The following HNRNPAB variants were observed in gnomAD, a reference collection of about 807,000 sequenced individuals.
HNRNPAB encodes the protein ABBP-1.
Under a neutral mutation model 44.1 loss-of-function variants are expected in HNRNPAB, and 17 were observed. That is an observed-to-expected ratio of 0.39 (90% CI 0.26 to 0.58). The LOEUF (loss-of-function observed/expected upper bound fraction) is 0.58. Ranked by LOEUF, HNRNPAB falls within the 20% of genes least tolerant of loss-of-function variation. The pLI is 0.63. For synonymous variants in HNRNPAB, 183 were observed against 167.6 expected, an observed-to-expected ratio of 1.09 and a Z score of -0.71; for missense variants, 393 against 432.7, an observed-to-expected ratio of 0.91 and a Z score of 0.81.
chr5:178,206,601 T>A, intron 3 of HNRNPAB, 131 bp from the exon 4 acceptor site: 1 of 908,750 alleles, frequency 1.1e-6, no homozygotes, highest in Non-Finnish European at 1.7e-6. Context: ...GGTTGGGAGG[T>A]TAAGCTGGGG....
chr5:178,205,130 G>A (rs1756988046), intron 2 of HNRNPAB, 84 bp downstream of exon 2: 1 of 1,037,332 alleles, frequency 9.6e-7, no homozygotes. Context: ...GGGGAGGGGC[G>A]GCGGCCTGGC....
In HNRNPAB at chr5:178,209,447, G is replaced by C; in HGVS notation, c.787G>C (p.Gly263Arg). 6.2e-7 allele frequency: 1 copy of C among 1,613,420 alleles called. No homozygotes were observed. The highest frequency in any genetic ancestry group is 8.5e-7 in the Non-Finnish European group (1 of 1,179,324). ...RGSGGGGGGG[G>R]QSQSWNQGYG... The stretch of plus-strand genomic sequence containing the variant: ...CAGCGGAGGTGGTGGTGGAGGTGGA[G>C]GTGAGTGGAACGTGGATGAAGATAG... The change falls in exon 6 of 8, where the codon GGT (glycine) becomes CGT (arginine). Residue 263 changes from glycine (G) to arginine (R), a missense_variant and splice_region_variant. Transcript: ENST00000358344.
intron 7 of HNRNPAB, 64 bp from the exon 8 acceptor site, chr5:178,210,489 T>A (rs373001311): frequency 1.4e-5 from 21 of 1,539,848 alleles, no homozygotes; most frequent in Non-Finnish European, 1.8e-5. Context: ...AAGATGCATA[T>A]CAAGCGCGTG....
intron 5 of HNRNPAB, among the ~76,000 whole-genome samples, chr5:178,207,510 T>C (rs1757123096): frequency 6.6e-6 from 1 of 152,066 alleles, no homozygotes; most frequent in Admixed American, 6.6e-5. Context: ...CACTTAAAGC[T>C]AGAGGTGACA....
At chr5:178,209,549 C>G (rs143842057) in intron 6 of HNRNPAB, 102 bp downstream of exon 6, 2 of 1,000,078 alleles carry the variant, frequency 2.0e-6, no homozygotes, top group Admixed American at 2.0e-5. Flanking sequence ...CAGGGGTGGG[C>G]AGATTGTGTG....
At chr5:178,207,038 C>T (rs1329656560) in intron 4 of HNRNPAB, 56 bp from the exon 5 acceptor site, 2 of 1,607,294 alleles carry the variant, frequency 1.2e-6, no homozygotes, top group Non-Finnish European at 1.7e-6. Flanking sequence ...TGTGAGTCCC[C>T]TATATGCTCT....
chr5:178,209,508 C>G, intron 6 of HNRNPAB, 61 bp downstream of exon 6: 1 of 1,432,224 alleles, frequency 7.0e-7, no homozygotes, highest in Non-Finnish European at 9.8e-7. Context: ...CCTTCCAAGC[C>G]TGTCTTGGGG....
At chr5:178,206,163 AG>A (rs775244644) in intron 3 of HNRNPAB, among the ~76,000 whole-genome samples, 153 bp downstream of exon 3, 2 of 152,180 alleles carry the variant, frequency 1.3e-5, no homozygotes, top group Non-Finnish European at 2.9e-5. Context: ...CCGGTTTTTG[AG>A]GGGATGAAAA....
chr5:178,208,174 T>C (rs1331752688), intron 5 of HNRNPAB, among the ~76,000 whole-genome samples: 3 of 152,010 alleles, frequency 2.0e-5, no homozygotes, highest in African/African-American at 7.2e-5. Context: ...CAGTTGGGAG[T>C]TGAGGGTGCG....
Position 178,205,119 on chromosome 5 carries a change from G to T in HNRNPAB, c.209+73G>T, listed in dbSNP as rs148368346. ...CGCCTTTTGTTGGCGCCACGCGGCGGGGGGAGGGGCGGCGGCCTGGCCCGG... is the reference window on the plus strand; with the variant it reads ...CGCCTTTTGTTGGCGCCACGCGGCGTGGGGAGGGGCGGCGGCCTGGCCCGG... On this transcript the variant is annotated intron_variant, in intron 2 of 7. Coordinates refer to ENST00000358344, the MANE Select transcript of HNRNPAB (RefSeq NM_031266.3). 6,866 of 1,099,772 alleles carry T rather than the reference G, an allele frequency of 6.2e-3. 30 individuals carry two copies. Among genetic ancestry groups the T allele is most frequent in the Non-Finnish European group, 7.2e-3 (6,352 of 880,814 alleles). 68.1% of individuals were successfully genotyped at this position (1,099,772 alleles called of 1,614,324 possible). A position where few individuals can be genotyped will look rare whatever the true frequency, so the allele number is the denominator to read the frequency against.
In HNRNPAB at chr5:178,210,680, A is replaced by T; in HGVS notation, c.*57A>T. 7.4e-7 allele frequency: 1 copy of T among 1,353,682 alleles called. No homozygotes were observed. The highest frequency in any genetic ancestry group is 1.1e-6 in the Non-Finnish European group (1 of 944,106). The allele number at this position is 1,353,682 out of a possible 1,614,324, so 83.9% of individuals were successfully genotyped here. On this transcript the variant is annotated 3_prime_UTR_variant, in exon 8 of 8. Transcript: ENST00000358344. ...ACATGCTTTGTTTGGATATGGAGTG[A>T]ACACAATTATGTACCAAATTTAACT...
chr5:178,205,670 C>G (rs1212399364), intron 2 of HNRNPAB, 172 bp from the exon 3 acceptor site: 2 of 627,026 alleles, frequency 3.2e-6, no homozygotes, highest in Admixed American at 3.0e-5. Flanking sequence ...CGTTAGGGTC[C>G]TGGTTGAGTT....
intron 5 of HNRNPAB, among the ~76,000 whole-genome samples, chr5:178,208,297 G>C (rs1352750262): frequency 6.6e-6 from 1 of 152,226 alleles, no homozygotes; most frequent in Non-Finnish European, 1.5e-5. Flanking sequence ...AGTTTGGAAA[G>C]AGTGGATTAG....
intron 5 of HNRNPAB, among the ~76,000 whole-genome samples, chr5:178,207,673 T>C (rs1757135935): frequency 1.4e-5 from 2 of 147,520 alleles, no homozygotes; most frequent in Non-Finnish European, 3.0e-5. Flanking sequence ...CTTTGTCCAC[T>C]TCCATCCACT....
chr5:178,206,731 G>A lies in HNRNPAB; in HGVS notation c.379-1G>A. The A allele has an allele frequency of 6.2e-7, 1 of 1,613,456 alleles. No homozygotes were observed. The highest frequency in any genetic ancestry group is 1.3e-5 in the African/African-American group (1 of 75,022). Reference sequence around the variant, plus strand: ...AGCCTGACCCCTTTCTGTTGGAACAGGTCCTAGACCAGAAGGAGCACAGGC... The same window carrying A: ...AGCCTGACCCCTTTCTGTTGGAACAAGTCCTAGACCAGAAGGAGCACAGGC... On this transcript the variant is annotated splice_acceptor_variant, in intron 3 of 7. Coordinates refer to ENST00000358344, the MANE Select transcript of HNRNPAB (RefSeq NM_031266.3). LOFTEE classifies it high-confidence loss of function.
chr5:178,210,993 ATAT>A lies in HNRNPAB; in HGVS notation c.*375_*377del. The A allele has an allele frequency of 4.2e-6, 1 of 235,978 alleles. No homozygotes were observed. Among genetic ancestry groups the A allele is most frequent in the Non-Finnish European group, 8.3e-6 (1 of 121,024 alleles). The allele number at this position is 235,978 out of a possible 1,614,324, so 14.6% of individuals were successfully genotyped here. A position where few individuals can be genotyped will look rare whatever the true frequency, so the allele number is the denominator to read the frequency against. ...CACCTTTTTTTCACCTTTTAATTTT[ATAT>A]TATTTGCGTCATACATTTCCTGTAA... On this transcript the variant is annotated 3_prime_UTR_variant, in exon 8 of 8. Transcript: ENST00000358344.
At position 178,210,857 on chromosome 5, in the gene HNRNPAB, T is replaced by C. The variant is rs1758086148; in HGVS notation, c.*234T>C. ...AGCGCCATCATGGGCTGATTTTTAT[T>C]ACCAGGTCCCCCAGAAGCAGGTGGG... On this transcript the variant is annotated 3_prime_UTR_variant, in exon 8 of 8. Transcript: ENST00000358344. The C allele has an allele frequency of 1.8e-6, 1 of 556,302 alleles. No homozygotes were observed. Among genetic ancestry groups the C allele is most frequent in the Non-Finnish European group, 3.2e-6 (1 of 311,464 alleles). The allele number at this position is 556,302 out of a possible 1,614,324, so 34.5% of individuals were successfully genotyped here.
rs771616200 is a variant in HNRNPAB at position 178,210,162 on chromosome 5, G to A, written c.818G>A (p.Gly273Asp). The change falls in exon 7 of 8, where the codon GGC (glycine) becomes GAC (aspartate). Residue 273 changes from glycine to aspartate, a missense_variant. By Grantham distance (94) the Gly-to-Asp change is moderately conservative (BLOSUM62 -1). Transcript: ENST00000358344. ...AGTCAGAGTTGGAATCAGGGCTACG[G>A]CAACTACTGGAACCAGGGCTACGGC... ...GQSQSWNQGY[G>D]NYWNQGYGYQ... 1.2e-5 allele frequency: 20 copies of A among 1,613,902 alleles called. No individual in the cohort carries two copies. The highest frequency in any genetic ancestry group is 1.5e-5 in the Non-Finnish European group (18 of 1,179,890).
chr5:178,209,574 C>G (rs112520839), intron 6 of HNRNPAB, 127 bp downstream of exon 6: 9 of 761,132 alleles, frequency 1.2e-5, no homozygotes, highest in African/African-American at 1.0e-4. Flanking sequence ...TGGGGACGAA[C>G]AGGAATAGGA....
Sources: gnomAD v4.1 joint callset for allele counts (sites outside exome capture counted in the v4.1 genomes callset) on GRCh38, gnomAD v4.1.1 for gene constraint, MANE v1.5 for transcripts, NCBI Gene and HGNC (gene_info 2026-07-23, HGNC 2026-07-21) for gene names.